Variants in PBRM1 observed in about 807,000 individuals in gnomAD.
PBRM1 encodes protein polybromo-1.
PBRM1 carries 27 observed loss-of-function variants against 194.5 expected under a neutral mutation model. The ratio of observed to expected loss-of-function variants is 0.14; its 90% confidence interval spans 0.10 to 0.19. The LOEUF (loss-of-function observed/expected upper bound fraction) is 0.19, where lower values mean the gene tolerates loss of function less well. Among genes scored for constraint, PBRM1 ranks in the 10% least tolerant of loss-of-function variants. The pLI, the probability that PBRM1 is intolerant of heterozygous loss-of-function variation, is 1.00. For missense variants in PBRM1, 1,466 were observed against 2,077.2 expected (o/e 0.71, Z 5.72); for synonymous variants, 655 against 693.2 (o/e 0.94, Z 0.87).
chr3:52,668,549 C>T (rs1408934555), exon 3 of PBRM1: 1 of 1,607,672 alleles, frequency 6.2e-7, no homozygotes, highest in Non-Finnish European at 8.5e-7. Flanking sequence ...CAGCAGTCAG[C>T]AAATTAACAT....
intron 22 of PBRM1, among the ~76,000 whole-genome samples, chr3:52,566,930 G>T (rs539928948): frequency 6.6e-6 from 1 of 152,170 alleles, no homozygotes; most frequent in Admixed American, 6.5e-5. Flanking sequence ...TTAGCCAGGC[G>T]TGGTAGCTTG....
chr3:52,614,935 T>C lies in PBRM1; in HGVS notation c.1924+416A>G, dbSNP rs185646430. 3.3e-5 allele frequency among the ~76,000 whole-genome samples: 5 copies of C among 152,262 alleles called. 1 individual carries two copies. In the South Asian group the frequency reaches 8.3e-4, roughly 25 times the overall value. ...ACACTCAAATGATAGCTGAGTATAG[T>C]ACAGTGGCTGGACATCTCTAACTCC... is the stretch of plus-strand genomic sequence containing the variant. On this transcript the variant is annotated intron_variant, in intron 15 of 29. Transcript: ENST00000296302.
Position 52,601,011 on chromosome 3 carries a change from C to CT in PBRM1, c.2779+2509dup, listed in dbSNP as rs552802972. On this transcript the variant is annotated intron_variant, in intron 17 of 29. Coordinates refer to ENST00000296302, the Ensembl canonical transcript of PBRM1. ...TTTTGGAGGTGTAATTATTTCCTTG[C>CT]TTTTTCTTGATTCCTGTGTCCTTAC... is the stretch of plus-strand genomic sequence containing the variant. 8.4e-4 allele frequency among the ~76,000 whole-genome samples: 128 copies of CT among 152,298 alleles called. 3 individuals are homozygous for CT. In the South Asian group the frequency reaches 0.025, roughly 30 times the overall value.
chr3:52,685,573 G>A (rs539651281), intron 1 of PBRM1, 176 bp downstream of exon 1: 6 of 150,980 alleles, frequency 4.0e-5, no homozygotes, highest in African/African-American at 1.5e-4. Context: ...AAGGCTACTG[G>A]GCCCATCCGG....
downstream of PBRM1, chr3:52,547,419 T>C (rs3199918): frequency 0.14 from 32,825 of 233,134 alleles, 3,002 homozygotes; most frequent in Middle Eastern, 0.26. Context: ...TACATATTTC[T>C]GTAGTGAGCC....
At chr3:52,572,224 C>T (rs75690186) in intron 22 of PBRM1, among the ~76,000 whole-genome samples, 26 of 149,660 alleles carry the variant, frequency 1.7e-4, no homozygotes, top group African/African-American at 2.7e-4. Flanking sequence ...ATTAATGAAA[C>T]GTTATAAAAA....
chr3:52,625,108 T>C (rs34215106), intron 13 of PBRM1, among the ~76,000 whole-genome samples, 167 bp from the exon 15 acceptor site: 52,092 of 152,064 alleles, frequency 0.34, 9,929 homozygotes, highest in Admixed American at 0.46. Flanking sequence ...GCAGAAAGAA[T>C]GCACCCCCAG....
At chr3:52,662,928 T>C (rs1431502442) in intron 3 of PBRM1, among the ~76,000 whole-genome samples, 2 of 151,996 alleles carry the variant, frequency 1.3e-5, no homozygotes, top group Non-Finnish European at 2.9e-5. Flanking sequence ...GGATAGAAGC[T>C]AATGACGGTT....
chr3:52,562,068 TCC>T lies in PBRM1; in HGVS notation c.4087-102_4087-101del, dbSNP rs1428951477. The T allele has an allele frequency of 8.3e-6, 7 of 846,428 alleles. No homozygotes were observed. The African/African-American group carries it at 1.2e-4, about 14-fold the overall frequency. The allele number at this position is 846,428 out of a possible 1,614,324, so 52.4% of individuals were successfully genotyped here. On this transcript the variant is annotated intron_variant, in intron 24 of 29. Transcript: ENST00000296302. ...CGGGCGCGGTGGCTCACACCTGTAA[TCC>T]CAGCACTTTGGGGGGCCGAGACAGG...
intron 2 of PBRM1, among the ~76,000 whole-genome samples, chr3:52,671,081 G>A (rs2096937864): frequency 6.6e-6 from 1 of 152,160 alleles, no homozygotes; most frequent in Non-Finnish European, 1.5e-5. Context: ...GCAGAATAGA[G>A]TTGGCTAATA....
intron 22 of PBRM1, among the ~76,000 whole-genome samples, chr3:52,567,508 C>T (rs1316610855): frequency 6.9e-6 from 1 of 144,226 alleles, no homozygotes; most frequent in Non-Finnish European, 1.5e-5. Flanking sequence ...TTTCCTCATG[C>T]TCTTGTCAAC....
intron 20 of PBRM1, among the ~76,000 whole-genome samples, chr3:52,579,978 T>G (rs1160826705): frequency 6.6e-6 from 1 of 152,170 alleles, no homozygotes; most frequent in Non-Finnish European, 1.5e-5. Context: ...CACAGTGGCT[T>G]ATGTCATAAC....
chr3:52,608,306 C>T (rs1353296737), intron 16 of PBRM1, among the ~76,000 whole-genome samples: 1 of 152,192 alleles, frequency 6.6e-6, no homozygotes, highest in Admixed American at 6.5e-5. Context: ...GGTAACTTTT[C>T]TCTGCCTATG....
At chr3:52,685,827 T>G in exon 1 of PBRM1, 2 of 443,266 alleles carry the variant, frequency 4.5e-6, no homozygotes, top group Non-Finnish European at 4.0e-6. Context: ...CGGCTGCTGC[T>G]ATTGCTCCTC....
At chr3:52,578,945 AGAAACT>A (rs1484180514) in intron 21 of PBRM1, 103 bp downstream of exon 23, 14 of 986,594 alleles carry the variant, frequency 1.4e-5, no homozygotes, top group Middle Eastern at 4.4e-4. Flanking sequence ...AAGAAGCTGG[AGAAACT>A]GCCAGGGGAA....
chr3:52,574,421 C>G (rs957744971), intron 22 of PBRM1, among the ~76,000 whole-genome samples: 3 of 152,186 alleles, frequency 2.0e-5, no homozygotes, highest in Non-Finnish European at 2.9e-5. Context: ...GAAGGGGGCA[C>G]AAACATTCAA....
chr3:52,610,597 C>G (rs1188533838), intron 15 of PBRM1, among the ~76,000 whole-genome samples: 1 of 152,178 alleles, frequency 6.6e-6, no homozygotes, highest in Admixed American at 6.5e-5. Context: ...AAACACTAGA[C>G]AGTAAAGAAT....
At chr3:52,673,277 C>A (rs1156320973) in intron 2 of PBRM1, among the ~76,000 whole-genome samples, 3 of 151,440 alleles carry the variant, frequency 2.0e-5, no homozygotes, top group Non-Finnish European at 4.4e-5. Context: ...CATGAGCCAC[C>A]GCGCCCAGCC....
chr3:52,653,188 T>A (rs889615132), intron 5 of PBRM1, among the ~76,000 whole-genome samples: 2 of 152,214 alleles, frequency 1.3e-5, no homozygotes, highest in African/African-American at 4.8e-5. Context: ...CTGTAAGAAG[T>A]CAGGTTGCAA....
Sources: allele counts gnomAD v4.1 joint callset (sites outside exome capture counted in the v4.1 genomes callset), GRCh38; gene constraint gnomAD v4.1.1; transcripts MANE v1.5; gene names NCBI Gene and HGNC (gene_info 2026-07-23, HGNC 2026-07-21).